DLC1: variants seen among roughly 807,000 people sequenced by gnomAD.
DLC1 encodes the protein DLC1 Rho GTPase activating protein.
DLC1 carries 54 observed loss-of-function variants against 140.3 expected under a neutral mutation model. The observed-to-expected ratio is 0.38, with a 90% CI of 0.31 to 0.48. DLC1 has a LOEUF of 0.48. Ranked by LOEUF, DLC1 falls within the 20% of genes least tolerant of loss-of-function variation. DLC1 has a pLI of 0.96. For missense variants in DLC1, 2,536 were observed against 1,907.0 expected (o/e 1.33, Z -6.14); for synonymous variants, 986 against 728.1 (o/e 1.35, Z -5.70).
At chr8:13,399,064 A>T (rs772103755) in intron 3 of DLC1, among the ~76,000 whole-genome samples, 2 of 152,180 alleles carry the variant, frequency 1.3e-5, no homozygotes, top group Non-Finnish European at 2.9e-5. Context: ...GGCCCAATCA[A>T]AGGTGGTACA....
At chr8:13,153,789 G>A (rs375890326) in intron 5 of DLC1, among the ~76,000 whole-genome samples, 5 of 151,940 alleles carry the variant, frequency 3.3e-5, no homozygotes, top group African/African-American at 4.8e-5. Context: ...CGATCGGTGC[G>A]TTTACAATCC....
intron 5 of DLC1, among the ~76,000 whole-genome samples, chr8:13,227,332 G>A (rs963303255): frequency 2.6e-5 from 4 of 152,102 alleles, no homozygotes; most frequent in South Asian, 2.1e-4. Context: ...TTTATGTCTC[G>A]TACTTTATTT....
chr8:13,314,028 C>A (rs75240290), intron 4 of DLC1, among the ~76,000 whole-genome samples: 1 of 151,996 alleles, frequency 6.6e-6, no homozygotes, highest in Non-Finnish European at 1.5e-5. Context: ...TGGAAGTGAT[C>A]CCTGTACCAG....
chr8:13,105,069 TG>T (rs1819447906), intron 7 of DLC1, among the ~76,000 whole-genome samples: 1 of 151,782 alleles, frequency 6.6e-6, no homozygotes, highest in Non-Finnish European at 1.5e-5. Flanking sequence ...TGGGCTTTAA[TG>T]GTTGAATGGT....
chr8:13,567,040 A>G (rs905173837), intron 1 of DLC1: 1 of 1,551,570 alleles, frequency 6.4e-7, no homozygotes, highest in East Asian at 2.4e-5. Flanking sequence ...TGCTCTTGCA[A>G]ACCTTTCTGA....
At chr8:13,412,570 T>C (rs1371547320) in intron 2 of DLC1, among the ~76,000 whole-genome samples, 1 of 152,128 alleles carries the variant, frequency 6.6e-6, no homozygotes, top group Non-Finnish European at 1.5e-5. Context: ...ATGCAGTAGT[T>C]GCATACGATG....
chr8:13,516,955 C>T (rs1802608334), upstream of DLC1, among the ~76,000 whole-genome samples: 1 of 152,170 alleles, frequency 6.6e-6, no homozygotes, highest in South Asian at 2.1e-4. Context: ...CCATAAACTG[C>T]CTTCCTTGAC....
intron 14 of DLC1, 95 bp downstream of exon 14, chr8:13,091,223 G>T (rs570698048): frequency 2.4e-4 from 276 of 1,141,102 alleles, no homozygotes; most frequent in Non-Finnish European, 3.3e-4. Flanking sequence ...CTGTGGAAAA[G>T]GTCTTCAGGT....
chr8:13,583,841 A>T (rs1805206165), intron 1 of DLC1: 1 of 152,278 alleles, frequency 6.6e-6, no homozygotes, highest in East Asian at 1.9e-4. Context: ...CTTTTTCAGT[A>T]CAGGCTCTCA....
intron 5 of DLC1, among the ~76,000 whole-genome samples, chr8:13,153,271 G>A (rs1011037252): frequency 1.3e-5 from 2 of 152,166 alleles, no homozygotes; most frequent in African/African-American, 4.8e-5. Context: ...TTCGCTGTGA[G>A]TGTTACAGCC....
chr8:13,207,514 TC>T (rs528496207), intron 5 of DLC1, among the ~76,000 whole-genome samples: 18 of 152,300 alleles, frequency 1.2e-4, no homozygotes, highest in Middle Eastern at 3.4e-3. Context: ...ATATTTTTTA[TC>T]CTAAAAGTTA....
chr8:13,110,897 G>A (rs1820046829), intron 6 of DLC1, 74 bp from the exon 7 acceptor site: 1 of 1,373,546 alleles, frequency 7.3e-7, no homozygotes, highest in African/African-American at 1.4e-5. Flanking sequence ...GTTTACCAAA[G>A]CAGGGATAAA....
intron 5 of DLC1, among the ~76,000 whole-genome samples, chr8:13,218,930 G>A (rs372059012): frequency 0.01 from 302 of 29,998 alleles, 10 homozygotes; most frequent in African/African-American, 0.065. Context: ...ATATAATTAC[G>A]TACGAATATG....
At chr8:13,131,187 T>G (rs912576774) in intron 5 of DLC1, among the ~76,000 whole-genome samples, 2 of 152,160 alleles carry the variant, frequency 1.3e-5, no homozygotes, top group African/African-American at 4.8e-5. Flanking sequence ...AATTCCACAC[T>G]TACAGTCTGC....
intron 4 of DLC1, among the ~76,000 whole-genome samples, chr8:13,322,758 A>G (rs1221549419): frequency 6.6e-6 from 1 of 152,206 alleles, no homozygotes; most frequent in African/African-American, 2.4e-5. Flanking sequence ...TGGGGATGGC[A>G]ATTCTCATAG....
At chr8:13,510,020 T>C (rs1015949783) in intron 1 of DLC1, among the ~76,000 whole-genome samples, 7 of 152,152 alleles carry the variant, frequency 4.6e-5, no homozygotes, top group Admixed American at 1.3e-4. Context: ...GTGATGGTGA[T>C]GGTGATGATG....
intron 5 of DLC1, among the ~76,000 whole-genome samples, chr8:13,291,248 G>A (rs1444910196): frequency 6.6e-6 from 1 of 152,202 alleles, no homozygotes; most frequent in Non-Finnish European, 1.5e-5. Context: ...ATTCCCAAGA[G>A]AAGGTGTAAA....
chr8:13,158,916 G>A (rs970824170), intron 5 of DLC1, among the ~76,000 whole-genome samples: 2 of 152,092 alleles, frequency 1.3e-5, no homozygotes, highest in African/African-American at 4.8e-5. Context: ...TGGAGTCTGG[G>A]TTGCAGCCCA....
chr8:13,289,652 G>A (rs1212537038), intron 5 of DLC1, among the ~76,000 whole-genome samples: 1 of 152,198 alleles, frequency 6.6e-6, no homozygotes, highest in Non-Finnish European at 1.5e-5. Context: ...TTATGTGGGT[G>A]CTTGGTAACA....
Sources: gnomAD v4.1 joint callset for allele counts (sites outside exome capture counted in the v4.1 genomes callset) on GRCh38, gnomAD v4.1.1 for gene constraint, MANE v1.5 for transcripts, NCBI Gene and HGNC (gene_info 2026-07-23, HGNC 2026-07-21) for gene names.